Variants in DSCAML1 observed in about 807,000 individuals in gnomAD.
DSCAML1 encodes DS cell adhesion molecule like 1, also known as cell adhesion molecule DSCAML1.
A neutral mutation model predicts 200.5 loss-of-function variants in DSCAML1; 38 were observed. That is an observed-to-expected ratio of 0.19 (90% confidence interval 0.15 to 0.25). The LOEUF is 0.25. DSCAML1 is among the 10% of genes least tolerant of loss of function. The pLI is 1.00. For synonymous variants in DSCAML1, 1,215 were observed against 1,165.0 expected, an observed-to-expected ratio of 1.04 and a Z score of -0.87; for missense variants, 2,223 against 2,858.8, an observed-to-expected ratio of 0.78 and a Z score of 5.07.
chr11:117,506,296 C>A (rs551555002), intron 8 of DSCAML1, among the ~76,000 whole-genome samples: 1 of 152,344 alleles, frequency 6.6e-6, no homozygotes, highest in African/African-American at 2.4e-5. Context: ...AGTGGAAGCT[C>A]ACATCACTGT....
chr11:117,494,627 C>T (rs2049255895), intron 11 of DSCAML1, among the ~76,000 whole-genome samples: 1 of 152,200 alleles, frequency 6.6e-6, no homozygotes, highest in South Asian at 2.1e-4. Context: ...TTGAAGTCCT[C>T]ACCCCTGGTA....
chr11:117,612,979 C>T (rs143813544), intron 3 of DSCAML1, among the ~76,000 whole-genome samples: 1 of 152,168 alleles, frequency 6.6e-6, no homozygotes, highest in Non-Finnish European at 1.5e-5. Flanking sequence ...ACTGATTCTG[C>T]ACCTGAAAGC....
At chr11:117,790,885 G>A (rs2055451376) in intron 1 of DSCAML1, among the ~76,000 whole-genome samples, 1 of 152,154 alleles carries the variant, frequency 6.6e-6, no homozygotes, top group Non-Finnish European at 1.5e-5. Context: ...ACACATGCAC[G>A]TGCAAACACA....
At position 117,518,628 on chromosome 11, in the gene DSCAML1, G is replaced by T. The variant is rs199602566; in HGVS notation, c.1348C>A (p.Arg450=). 5.6e-5 allele frequency: 91 copies of T among 1,613,270 alleles called. No individual in the cohort carries two copies. Among genetic ancestry groups the T allele is most frequent in the Middle Eastern group, 1.6e-4 (1 of 6,084 alleles). Residue 450 remains arginine (R), a synonymous_variant, in exon 7 of 33, where the codon CGG becomes AGG. Transcript: ENST00000651296. The surrounding 1 kb of genome is among the most constrained non-coding windows in gnomAD (Gnocchi z 6.3). The part of the protein sequence containing the change: ...TWALDDEPIV[R]DGSHRTNQYT... ...TGGTTGGTGCGGTGGCTGCCATCCC[G>T]CACGATGGGCTCATCGTCGAGGGCC...
intron 3 of DSCAML1, among the ~76,000 whole-genome samples, chr11:117,636,191 C>A (rs542675907): frequency 6.6e-6 from 1 of 152,232 alleles, no homozygotes; most frequent in Non-Finnish European, 1.5e-5. Context: ...GAGGAAAAAC[C>A]GAGCCTTTCA....
chr11:117,678,117 A>G lies in DSCAML1; in HGVS notation c.511+98674T>C, dbSNP rs1218550475. Among the ~76,000 whole-genome samples, 104 of 152,230 alleles carry G rather than the reference A, an allele frequency of 6.8e-4. 1 individual carries two copies. The highest frequency in any genetic ancestry group is 2.8e-4 in the Non-Finnish European group (19 of 68,046). On this transcript the variant is annotated intron_variant, in intron 3 of 32. Transcript: ENST00000651296. ...TCTTCCATGAGAGAGAGGGCGGCTGACAAGCTCGCTCTACCAGCTGCAGCC... is the reference window on the plus strand; with the variant it reads ...TCTTCCATGAGAGAGAGGGCGGCTGGCAAGCTCGCTCTACCAGCTGCAGCC...
At chr11:117,440,931 A>C (rs1244708999) in intron 21 of DSCAML1, among the ~76,000 whole-genome samples, 1 of 150,638 alleles carries the variant, frequency 6.6e-6, no homozygotes, top group East Asian at 1.9e-4. Context: ...AAAAAAAAAA[A>C]AAAAAAAAAA....
In DSCAML1 at chr11:117,444,046, G is replaced by A. The variant is rs1428953355; in HGVS notation, c.3709-7C>T. ...TCTCGTACTCGCTGGGAGCCTGCGG[G>A]GCAGAGGCAAAGAGGCTCTAAGAAG... is the stretch of plus-strand genomic sequence containing the variant. On this transcript the variant is annotated splice_polypyrimidine_tract_variant and splice_region_variant and intron_variant, in intron 20 of 32. Coordinates refer to ENST00000651296, the MANE Select transcript of DSCAML1 (RefSeq NM_020693.4). The A allele has an allele frequency of 6.2e-7, 1 of 1,608,548 alleles. No individual in the cohort carries two copies. Among genetic ancestry groups the A allele is most frequent in the Admixed American group, 1.7e-5 (1 of 59,630 alleles).
At chr11:117,708,638 C>G (rs1177391863) in intron 3 of DSCAML1, among the ~76,000 whole-genome samples, 2 of 152,188 alleles carry the variant, frequency 1.3e-5, no homozygotes, top group Non-Finnish European at 2.9e-5. Context: ...TTCCTTCACA[C>G]CTAAGGCATT....
intron 14 of DSCAML1, among the ~76,000 whole-genome samples, chr11:117,472,300 G>A (rs750823269): frequency 1.3e-5 from 2 of 152,148 alleles, no homozygotes; most frequent in African/African-American, 2.4e-5. Context: ...CGGACGAGAC[G>A]TTCCCCAAGG....
intron 16 of DSCAML1, among the ~76,000 whole-genome samples, chr11:117,465,466 G>A (rs2048562714): frequency 6.6e-6 from 1 of 152,146 alleles, no homozygotes; most frequent in South Asian, 2.1e-4. Flanking sequence ...CCCCTCTGCC[G>A]CGTCCTTGCC....
chr11:117,446,233 G>T (rs186630528), intron 20 of DSCAML1, among the ~76,000 whole-genome samples: 1 of 152,158 alleles, frequency 6.6e-6, no homozygotes, highest in East Asian at 1.9e-4. Context: ...GCGTGGTGGC[G>T]CATGCCTATA....
chr11:117,529,003 G>C (rs2050027698), intron 4 of DSCAML1, among the ~76,000 whole-genome samples: 1 of 133,782 alleles, frequency 7.5e-6, no homozygotes, highest in African/African-American at 2.8e-5. Context: ...GACAATAATA[G>C]TAGCAGCTAC....
At chr11:117,509,385 G>A (rs561663010) in intron 8 of DSCAML1, among the ~76,000 whole-genome samples, 2 of 152,282 alleles carry the variant, frequency 1.3e-5, no homozygotes, top group African/African-American at 4.8e-5. Flanking sequence ...ATCCATCCTG[G>A]GGAGTTAAAC....
intron 11 of DSCAML1, among the ~76,000 whole-genome samples, chr11:117,493,902 A>G (rs1312605139): frequency 6.6e-6 from 1 of 152,194 alleles, no homozygotes; most frequent in East Asian, 1.9e-4. Flanking sequence ...TGGTGGGATT[A>G]CAGGTGTGAG....
At chr11:117,704,230 C>T (rs1054481165) in intron 3 of DSCAML1, among the ~76,000 whole-genome samples, 8 of 151,908 alleles carry the variant, frequency 5.3e-5, no homozygotes, top group African/African-American at 1.9e-4. Flanking sequence ...TAATAAAAAT[C>T]CCCCTGCCAC....
chr11:117,625,669 G>A (rs980511681), intron 3 of DSCAML1, among the ~76,000 whole-genome samples: 2 of 152,236 alleles, frequency 1.3e-5, no homozygotes, highest in African/African-American at 2.4e-5. Context: ...GCCTCCTGCA[G>A]GCGTCTCCAT....
chr11:117,493,669 C>G lies in DSCAML1; in HGVS notation c.2359+10176G>C, dbSNP rs61905336. ...TTGAGACAAGGTCTCACTCTGTTAC[C>G]CAGGCTGGAGTGCAGTGGCATGATG... On this transcript the variant is annotated intron_variant, in intron 11 of 32. Transcript: ENST00000651296. Among the ~76,000 whole-genome samples the G allele has an allele frequency of 2.9e-3, 440 of 151,620 alleles. 1 individual carries two copies. The highest frequency in any genetic ancestry group is 6.9e-3 in the Admixed American group (105 of 15,244).
In DSCAML1 at chr11:117,437,307, G is replaced by T. The variant is rs1273159620; in HGVS notation, c.4535C>A (p.Ala1512Asp). The change falls in exon 26 of 33, where the codon GCC becomes GAC. Residue 1512 changes from alanine (A) to aspartate (D), a missense_variant. Coordinates refer to ENST00000651296, the MANE Select transcript of DSCAML1 (RefSeq NM_020693.4). The surrounding 1 kb of genome is among the most constrained non-coding windows in gnomAD (Gnocchi z 5.3). ...GWNNGGCPIT[A>D]IVLEYRPKGT... ...CTTGGGCCGGTACTCCAGAACGATG[G>T]CTGTGATAGGGCAGCCCCCATTGTT... 1 of 1,614,252 alleles carries T rather than the reference G, an allele frequency of 6.2e-7. No individual in the cohort carries two copies. Among genetic ancestry groups the T allele is most frequent in the Non-Finnish European group, 8.5e-7 (1 of 1,180,036 alleles).
Sources: gnomAD v4.1 joint callset for allele counts (sites outside exome capture counted in the v4.1 genomes callset) on GRCh38, gnomAD v4.1.1 for gene constraint, Gnocchi (gnomAD v3.1) non-coding constraint, MANE v1.5 for transcripts, NCBI Gene and HGNC (gene_info 2026-07-23, HGNC 2026-07-21) for gene names.